The following TMPRSS7 variants were observed in gnomAD, a reference collection of about 807,000 sequenced individuals.
The protein encoded by TMPRSS7 is transmembrane serine protease 7.
In TMPRSS7, 81 loss-of-function variants were observed where a neutral mutation model predicts 95.6. The ratio of observed to expected loss-of-function variants is 0.85; its 90% CI spans 0.71 to 1.02. The LOEUF (loss-of-function observed/expected upper bound fraction) is 1.02. Among genes scored for constraint, TMPRSS7 ranks in the 50% least tolerant of loss-of-function variants. The pLI, the probability that TMPRSS7 is intolerant of heterozygous loss-of-function variation, is 0.00. For synonymous variants in TMPRSS7, 364 were observed against 337.8 expected (o/e 1.08, Z -0.85); for missense variants, 945 against 955.2 (o/e 0.99, Z 0.14).
Position 112,042,958 on chromosome 3 carries a change from A to C in TMPRSS7, c.429+908A>C, listed in dbSNP as rs546877493. ...GGGTTGTCATAGTGATGAACTTGAC[A>C]CAATGACTGGCTGTGTAGAATGAGG... On this transcript the variant is annotated intron_variant, in intron 3 of 17. Transcript: ENST00000452346. The C allele has an allele frequency of 1.3e-5, 6 of 454,786 alleles. No individual in the cohort carries two copies. The Admixed American group carries it at 1.4e-4, about 11-fold the overall frequency. The allele number at this position is 454,786 out of a possible 1,614,324, so 28.2% of individuals were successfully genotyped here.
At chr3:112,059,322 T>C (rs980477978) in intron 10 of TMPRSS7, among the ~76,000 whole-genome samples, 3 of 152,244 alleles carry the variant, frequency 2.0e-5, no homozygotes, top group African/African-American at 7.2e-5. Context: ...ACTTGTCATG[T>C]GTCTGTCTAT....
chr3:112,056,314 A>G (rs2073433020), intron 9 of TMPRSS7, among the ~76,000 whole-genome samples: 1 of 152,250 alleles, frequency 6.6e-6, no homozygotes, highest in Non-Finnish European at 1.5e-5. Context: ...TAGAAAGCTT[A>G]AAAATGGATG....
intron 13 of TMPRSS7, among the ~76,000 whole-genome samples, chr3:112,071,457 G>A (rs2073644791): frequency 6.6e-6 from 1 of 152,084 alleles, no homozygotes; most frequent in Non-Finnish European, 1.5e-5. Flanking sequence ...TATCTTTGTG[G>A]TGTTCTCTGT....
chr3:112,049,568 A>G (rs1485180369), intron 7 of TMPRSS7, among the ~76,000 whole-genome samples: 2 of 152,260 alleles, frequency 1.3e-5, no homozygotes, highest in South Asian at 2.1e-4. Context: ...TAGATACACT[A>G]CTTTTATGCC....
intron 13 of TMPRSS7, among the ~76,000 whole-genome samples, chr3:112,070,233 G>C (rs2073626213): frequency 6.6e-6 from 1 of 152,164 alleles, no homozygotes; most frequent in African/African-American, 2.4e-5. Flanking sequence ...ATTTGTTGAG[G>C]AGTGCTTTAC....
intron 17 of TMPRSS7, 91 bp from the exon 18 acceptor site, chr3:112,080,823 A>T: frequency 7.9e-7 from 1 of 1,258,204 alleles, no homozygotes; most frequent in Non-Finnish European, 1.1e-6. Flanking sequence ...TCATTAGAGG[A>T]CTCTTGAACA....
intron 9 of TMPRSS7, among the ~76,000 whole-genome samples, chr3:112,056,790 T>C (rs1194908047): frequency 1.3e-5 from 2 of 152,138 alleles, no homozygotes; most frequent in Admixed American, 6.5e-5. Context: ...TGCTGATAAG[T>C]CTCAAGTCAC....
intron 8 of TMPRSS7, 139 bp downstream of exon 8, chr3:112,050,113 A>G: frequency 1.3e-6 from 1 of 747,830 alleles, no homozygotes; most frequent in Non-Finnish European, 1.9e-6. Context: ...CAGAAGAGAG[A>G]GACCATATTA....
intron 16 of TMPRSS7, among the ~76,000 whole-genome samples, chr3:112,077,734 C>T (rs2073729957): frequency 6.6e-6 from 1 of 152,058 alleles, no homozygotes; most frequent in Non-Finnish European, 1.5e-5. Flanking sequence ...CGGGAGAGGA[C>T]ATCTTTTCAA....
intron 13 of TMPRSS7, 116 bp from the exon 14 acceptor site, chr3:112,074,180 T>C (rs2073686026): frequency 1.4e-6 from 1 of 705,780 alleles, no homozygotes; most frequent in East Asian, 2.6e-5. Context: ...GAGCAGCAAA[T>C]ACCAATCCTG....
intron 13 of TMPRSS7, among the ~76,000 whole-genome samples, chr3:112,072,424 C>A (rs1053850032): frequency 2.0e-5 from 3 of 152,234 alleles, no homozygotes; most frequent in Non-Finnish European, 2.9e-5. Context: ...ACACAGGGGT[C>A]AGGGACCCAC....
chr3:112,054,211 T>C (rs1406184467), intron 9 of TMPRSS7, among the ~76,000 whole-genome samples: 2 of 152,186 alleles, frequency 1.3e-5, no homozygotes, highest in East Asian at 1.9e-4. Flanking sequence ...GGCTGAAAGA[T>C]GAAGCCTCCT....
chr3:112,073,387 A>C (rs368074357), intron 13 of TMPRSS7, among the ~76,000 whole-genome samples: 3 of 152,064 alleles, frequency 2.0e-5, no homozygotes, highest in East Asian at 3.9e-4. Flanking sequence ...AGCCACCTGT[A>C]ATTACGCGCC....
Position 112,048,274 on chromosome 3 carries a change from A to G in TMPRSS7, c.959+307A>G, listed in dbSNP as rs140512120. On this transcript the variant is annotated intron_variant, in intron 7 of 17. Coordinates refer to ENST00000452346, the Ensembl canonical transcript of TMPRSS7. ...TTTTACATTTATTGGAATAAAAATG[A>G]AGTCTACTATTTCAACAGTGTGAGA... 2.6e-4 allele frequency among the ~76,000 whole-genome samples: 40 copies of G among 152,362 alleles called. No individual in the cohort carries two copies. The East Asian group carries it at 7.5e-3, about 29-fold the overall frequency.
At chr3:112,074,446 T>G in intron 14 of TMPRSS7, 34 bp downstream of exon 14, 1 of 1,480,512 alleles carries the variant, frequency 6.8e-7, no homozygotes, top group Non-Finnish European at 9.4e-7. Flanking sequence ...GGTTCCTGTA[T>G]TCCCTCTTCA....
intron 15 of TMPRSS7, 101 bp from the exon 16 acceptor site, chr3:112,076,775 A>G: frequency 7.5e-7 from 1 of 1,330,152 alleles, no homozygotes; most frequent in Middle Eastern, 1.9e-4. Context: ...CCTGGAAGTC[A>G]GGCCCTTCTT....
At chr3:112,046,054 A>G (rs1180882942) in intron 5 of TMPRSS7, 111 bp downstream of exon 5, 8 of 939,764 alleles carry the variant, frequency 8.5e-6, no homozygotes, top group Non-Finnish European at 1.1e-5. Flanking sequence ...TTACCCCACA[A>G]TCCCAGTGGC....
chr3:112,038,645 A>C (rs1038358678), intron 2 of TMPRSS7, among the ~76,000 whole-genome samples: 1 of 151,778 alleles, frequency 6.6e-6, no homozygotes, highest in Non-Finnish European at 1.5e-5. Context: ...CTAACTGGCT[A>C]ACTTTTAAAG....
chr3:112,043,057 T>C (rs777652753), intron 3 of TMPRSS7: 1 of 456,082 alleles, frequency 2.2e-6, no homozygotes, highest in South Asian at 1.5e-5. Flanking sequence ...ATGCCTGCTA[T>C]ATACTGGGTA....
Sources: allele counts gnomAD v4.1 joint callset (sites outside exome capture counted in the v4.1 genomes callset), GRCh38; gene constraint gnomAD v4.1.1; transcripts MANE v1.5; gene names NCBI Gene and HGNC (gene_info 2026-07-23, HGNC 2026-07-21).